ZNF609: variants seen among roughly 807,000 people sequenced by gnomAD.
ZNF609 encodes zinc finger protein 609.
A neutral mutation model predicts 109.5 loss-of-function variants in ZNF609; 11 were observed. The ratio of observed to expected loss-of-function variants is 0.10; its 90% CI spans 0.06 to 0.17. The LOEUF is 0.17. Among genes scored for constraint, ZNF609 ranks in the 10% least tolerant of loss-of-function variants. The pLI, the probability that ZNF609 is intolerant of heterozygous loss-of-function variation, is 1.00. For missense variants in ZNF609, 1,559 were observed against 1,772.4 expected (o/e 0.88, Z 2.16); for synonymous variants, 646 against 662.0 (o/e 0.98, Z 0.37).
intron 2 of ZNF609, among the ~76,000 whole-genome samples, chr15:64,591,745 AG>A (rs1895301689): frequency 6.6e-6 from 1 of 150,780 alleles, no homozygotes; most frequent in African/African-American, 2.4e-5. Context: ...TTTTTGAGAC[AG>A]AGTCTTGGTC....
intron 1 of ZNF609, among the ~76,000 whole-genome samples, chr15:64,466,148 G>T (rs1421280613): frequency 1.3e-5 from 2 of 151,560 alleles, no homozygotes; most frequent in Non-Finnish European, 2.9e-5. Flanking sequence ...AAGTTAGCGG[G>T]GGGTATAGCA....
intron 2 of ZNF609, among the ~76,000 whole-genome samples, chr15:64,622,054 A>C (rs141270532): frequency 5.1e-4 from 78 of 152,244 alleles, no homozygotes; most frequent in African/African-American, 1.8e-3. Flanking sequence ...CTATGTGTAC[A>C]TAATCAACAA....
At chr15:64,660,871 T>C (rs1048111367) in intron 3 of ZNF609, among the ~76,000 whole-genome samples, 3 of 152,208 alleles carry the variant, frequency 2.0e-5, no homozygotes, top group African/African-American at 7.2e-5. Context: ...AATTGCCCTT[T>C]ATAAAATAGC....
chr15:64,471,334 C>G (rs763195375), intron 1 of ZNF609: 1 of 151,356 alleles, frequency 6.6e-6, no homozygotes, highest in South Asian at 2.1e-4. Flanking sequence ...GTACTCTAGC[C>G]TGGGTGACAG....
intron 2 of ZNF609, among the ~76,000 whole-genome samples, chr15:64,568,249 T>C (rs1379097337): frequency 6.6e-6 from 1 of 152,186 alleles, no homozygotes; most frequent in Non-Finnish European, 1.5e-5. Flanking sequence ...CTGTCATCTT[T>C]TATCCATGTG....
At position 64,529,070 on chromosome 15, in the gene ZNF609, C is replaced by G. The variant is rs1894015735; in HGVS notation, c.747+28904C>G. ...GAGACAGGGATGATGTCCTGGAGAG[C>G]CCTGCAGCCATCACGTGACAGTTTC... On this transcript the variant is annotated intron_variant, in intron 2 of 9. Transcript: ENST00000326648. 3.5e-6 allele frequency: 4 copies of G among 1,131,044 alleles called. No individual in the cohort carries two copies. The South Asian group carries it at 5.1e-5, about 14-fold the overall frequency. 70.1% of individuals were successfully genotyped at this position (1,131,044 alleles called of 1,614,324 possible). A position where few individuals can be genotyped will look rare whatever the true frequency, so the allele number is the denominator to read the frequency against.
chr15:64,497,613 A>G (rs1893499689), intron 1 of ZNF609, among the ~76,000 whole-genome samples: 1 of 152,132 alleles, frequency 6.6e-6, no homozygotes, highest in Admixed American at 6.6e-5. Context: ...TATAAAAATT[A>G]CTTTTTGGCT....
intron 1 of ZNF609, among the ~76,000 whole-genome samples, chr15:64,486,062 T>A (rs1893328428): frequency 6.6e-6 from 1 of 152,154 alleles, no homozygotes; most frequent in Non-Finnish European, 1.5e-5. Flanking sequence ...GTCCCTCATG[T>A]TGTCCTTTTA....
chr15:64,516,130 T>G (rs974921807), intron 2 of ZNF609, among the ~76,000 whole-genome samples: 1 of 152,150 alleles, frequency 6.6e-6, no homozygotes, highest in Non-Finnish European at 1.5e-5. Flanking sequence ...CTTTTTCATA[T>G]TTGACTAAAA....
chr15:64,680,038 A>G, intron 6 of ZNF609, 147 bp from the exon 7 acceptor site: 1 of 824,882 alleles, frequency 1.2e-6, no homozygotes, highest in Non-Finnish European at 1.9e-6. Context: ...AAGAAAGGTC[A>G]AGCCAACAGT....
At chr15:64,529,521 AT>A (rs1176570921) in intron 2 of ZNF609, 2 of 1,158,748 alleles carry the variant, frequency 1.7e-6, no homozygotes, top group Non-Finnish European at 1.3e-6. Context: ...CATGTGTAGA[AT>A]CATACAGGAA....
At chr15:64,554,574 G>T (rs532667469) in intron 2 of ZNF609, among the ~76,000 whole-genome samples, 1 of 152,100 alleles carries the variant, frequency 6.6e-6, no homozygotes, top group South Asian at 2.1e-4. Flanking sequence ...GGGGAGATCA[G>T]TTGAGCCCAG....
intron 3 of ZNF609, among the ~76,000 whole-genome samples, chr15:64,647,711 T>TA (rs992490918): frequency 6.6e-6 from 1 of 152,164 alleles, no homozygotes; most frequent in African/African-American, 2.4e-5. Context: ...TTATATGGTT[T>TA]AAAAAAAGAT....
chr15:64,521,543 A>G (rs1893891044), intron 2 of ZNF609, among the ~76,000 whole-genome samples: 1 of 151,988 alleles, frequency 6.6e-6, no homozygotes, highest in Non-Finnish European at 1.5e-5. Flanking sequence ...TTGGATACTG[A>G]TTGTTTTATA....
chr15:64,477,132 CT>C (rs1407968779), intron 1 of ZNF609, among the ~76,000 whole-genome samples: 1 of 138,162 alleles, frequency 7.2e-6, no homozygotes, highest in South Asian at 2.3e-4. Flanking sequence ...TTACTCTTCT[CT>C]TTCTTTTTTT....
chr15:64,465,415 C>A (rs577391587), intron 1 of ZNF609, among the ~76,000 whole-genome samples: 1 of 151,994 alleles, frequency 6.6e-6, no homozygotes, highest in Non-Finnish European at 1.5e-5. Context: ...GAGTTTCGCT[C>A]CTGTGGCCCA....
chr15:64,676,045 C>A lies in ZNF609; in HGVS notation c.3191C>A (p.Pro1064His), dbSNP rs1450215673. ...CTGACAGACCTGGTGAAATCAGGACCTGGCAAGGCCAAGGAGCCAGGGGCT... is the reference window on the plus strand; with the variant it reads ...CTGACAGACCTGGTGAAATCAGGACATGGCAAGGCCAAGGAGCCAGGGGCT... ...PSLTDLVKSG[P>H]GKAKEPGADP... The change falls in exon 5 of 10, where the codon CCT (proline) becomes CAT (histidine). Residue 1064 changes from proline (P) to histidine (H), a missense_variant. Coordinates refer to ENST00000326648, the MANE Select transcript of ZNF609 (RefSeq NM_015042.2). 19 of 1,614,116 alleles carry A rather than the reference C, an allele frequency of 1.2e-5. No individual in the cohort carries two copies. The highest frequency in any genetic ancestry group is 1.5e-5 in the Non-Finnish European group (18 of 1,180,048).
intron 3 of ZNF609, among the ~76,000 whole-genome samples, chr15:64,651,655 T>A (rs1896417371): frequency 6.6e-6 from 1 of 152,172 alleles, no homozygotes; most frequent in Non-Finnish European, 1.5e-5. Flanking sequence ...TCATCACAGG[T>A]ATCAGAGGGC....
intron 2 of ZNF609, among the ~76,000 whole-genome samples, chr15:64,591,008 A>G (rs1895285048): frequency 6.6e-6 from 1 of 152,160 alleles, no homozygotes; most frequent in Non-Finnish European, 1.5e-5. Context: ...AAGTTCCAGA[A>G]AGCCTGGAAG....
Sources: allele counts gnomAD v4.1 joint callset (sites outside exome capture counted in the v4.1 genomes callset), GRCh38; gene constraint gnomAD v4.1.1; transcripts MANE v1.5; gene names NCBI Gene and HGNC (gene_info 2026-07-23, HGNC 2026-07-21).